PDIA3: variants seen among roughly 807,000 people sequenced by gnomAD.
PDIA3 encodes protein disulfide isomerase family A member 3.
A neutral mutation model predicts 56.9 loss-of-function variants in PDIA3; 16 were observed. That is an observed-to-expected ratio of 0.28 (90% CI 0.19 to 0.43). The LOEUF (loss-of-function observed/expected upper bound fraction) is 0.43, where lower values mean the gene tolerates loss of function less well. PDIA3 is among the 20% of genes least tolerant of loss of function. The pLI, the probability that PDIA3 is intolerant of heterozygous loss-of-function variation, is 1.00. For synonymous variants in PDIA3, 192 were observed against 216.5 expected, an observed-to-expected ratio of 0.89 and a Z score of 0.99; for missense variants, 485 against 621.3, an observed-to-expected ratio of 0.78 and a Z score of 2.33.
intron 1 of PDIA3, among the ~76,000 whole-genome samples, chr15:43,747,924 T>C (rs1442286748): frequency 6.6e-6 from 1 of 152,162 alleles, no homozygotes; most frequent in Non-Finnish European, 1.5e-5. Flanking sequence ...TCCAGGGCAT[T>C]TCTGGGGCTA....
chr15:43,766,606 C>A, intron 7 of PDIA3, 122 bp from the exon 8 acceptor site: 1 of 750,578 alleles, frequency 1.3e-6, no homozygotes, highest in African/African-American at 1.8e-5. Flanking sequence ...ACTGTTCAGA[C>A]TGATTCCAGA....
chr15:43,753,055 A>G (rs1243412092), intron 1 of PDIA3: 3 of 347,848 alleles, frequency 8.6e-6, no homozygotes, highest in East Asian at 7.4e-5. Context: ...TTGAGACATT[A>G]CAGGGTTTCA....
At position 43,767,029 on chromosome 15, in the gene PDIA3, A is replaced by G. The variant is rs888304983; in HGVS notation, c.1028+119A>G. The G allele has an allele frequency of 4.4e-6, 4 of 902,446 alleles. No homozygotes were observed. In the African/African-American group the frequency reaches 6.7e-5, roughly 15 times the overall value. The allele number at this position is 902,446 out of a possible 1,614,324, so 55.9% of individuals were successfully genotyped here. Reference sequence around the variant, plus strand: ...AAGATAGGTCTTTTAATCAAGACCTATGACTGTCATTTTTCTCAATTTAAA... The same window carrying G: ...AAGATAGGTCTTTTAATCAAGACCTGTGACTGTCATTTTTCTCAATTTAAA... On this transcript the variant is annotated intron_variant, in intron 8 of 12. Transcript: ENST00000300289.
In PDIA3 at chr15:43,766,791, C is replaced by T; in HGVS notation, c.909C>T (p.Ser303=). The change falls in exon 8 of 13, where the codon AGC becomes AGT. Residue 303 remains serine (S), a synonymous_variant. Coordinates refer to ENST00000300289, the MANE Select transcript of PDIA3 (RefSeq NM_005313.5). ...AGHKLNFAVA[S]RKTFSHELSD... ...ACAAACTCAACTTTGCTGTAGCTAGCCGCAAAACCTTTAGCCATGAACTTT... is the reference window on the plus strand; with the variant it reads ...ACAAACTCAACTTTGCTGTAGCTAGTCGCAAAACCTTTAGCCATGAACTTT... 1 of 1,613,312 alleles carries T rather than the reference C, an allele frequency of 6.2e-7. No individual in the cohort carries two copies. The highest frequency in any genetic ancestry group is 1.1e-5 in the South Asian group (1 of 91,062).
intron 3 of PDIA3, among the ~76,000 whole-genome samples, chr15:43,757,431 G>T (rs906206925): frequency 2.6e-5 from 4 of 151,762 alleles, no homozygotes; most frequent in Non-Finnish European, 5.9e-5. Context: ...GGTGGCGGGC[G>T]CCTGTAGTCC....
chr15:43,769,991 G>A (rs924264173), intron 10 of PDIA3, among the ~76,000 whole-genome samples: 2 of 152,160 alleles, frequency 1.3e-5, no homozygotes, highest in Non-Finnish European at 2.9e-5. Context: ...AGGTAAATTT[G>A]AAGGTGGCAA....
In PDIA3 at chr15:43,746,474, C is replaced by T. The variant is rs973652242; in HGVS notation, c.-66C>T. 7 of 1,384,350 alleles carry T rather than the reference C, an allele frequency of 5.1e-6. No individual in the cohort carries two copies. The highest frequency in any genetic ancestry group is 6.7e-6 in the Non-Finnish European group (7 of 1,051,746). The allele number at this position is 1,384,350 out of a possible 1,614,324, so 85.8% of individuals were successfully genotyped here. On this transcript the variant is annotated 5_prime_UTR_variant, in exon 1 of 13. Coordinates refer to ENST00000300289, the MANE Select transcript of PDIA3 (RefSeq NM_005313.5). ...CGCAAGCAGCGGGTTAGTGGTCGCG[C>T]GCCCGACCTCCGCAGTCCCAGCCGA...
Position 43,761,504 on chromosome 15 carries a change from A to T in PDIA3, c.445A>T (p.Ile149Phe). 6.3e-7 allele frequency: 1 copy of T among 1,579,884 alleles called. No homozygotes were observed. The highest frequency in any genetic ancestry group is 8.7e-7 in the Non-Finnish European group (1 of 1,151,192). The change falls in exon 4 of 13, where the codon ATT becomes TTT. Residue 149 changes from isoleucine (I) to phenylalanine (F), a missense_variant. Transcript: ENST00000300289. The stretch of plus-strand genomic sequence containing the variant: ...GACTGAGGAAGAATTTAAGAAATTC[A>T]TTAGTGATAAAGATGCCTCTATAGT... ...LRTEEEFKKF[I>F]SDKDASIVGF...
At chr15:43,770,428 G>C (rs999676180) in intron 11 of PDIA3, 95 bp from the exon 12 acceptor site, 1 of 1,359,264 alleles carries the variant, frequency 7.4e-7, no homozygotes, top group Non-Finnish European at 1.1e-6. Flanking sequence ...TTCATATTCA[G>C]TTGAAGGCAG....
At position 43,746,441 on chromosome 15, in the gene PDIA3, C is replaced by G; in HGVS notation, c.-99C>G. On this transcript the variant is annotated 5_prime_UTR_variant, in exon 1 of 13. Coordinates refer to ENST00000300289, the MANE Select transcript of PDIA3 (RefSeq NM_005313.5). The stretch of plus-strand genomic sequence containing the variant: ...CGGCTGCAGGTCCGCCTGGGCCAGA[C>G]GCGCGAGCGCAAGCAGCGGGTTAGT... The G allele has an allele frequency of 2.4e-6, 3 of 1,232,576 alleles. No individual in the cohort carries two copies. The highest frequency in any genetic ancestry group is 2.1e-6 in the Non-Finnish European group (2 of 932,070). The allele number at this position is 1,232,576 out of a possible 1,614,324, so 76.4% of individuals were successfully genotyped here.
At chr15:43,769,315 T>C (rs1489097571) in intron 9 of PDIA3, among the ~76,000 whole-genome samples, 1 of 152,154 alleles carries the variant, frequency 6.6e-6, no homozygotes, top group African/African-American at 2.4e-5. Context: ...CTGAACATAG[T>C]TTGACAGGTG....
chr15:43,759,683 C>G (rs2086802032), intron 3 of PDIA3, among the ~76,000 whole-genome samples: 1 of 152,158 alleles, frequency 6.6e-6, no homozygotes, highest in Admixed American at 6.5e-5. Flanking sequence ...GTATATGCAT[C>G]CAGTGGAAGA....
intron 1 of PDIA3, chr15:43,751,531 A>C: frequency 8.6e-7 from 1 of 1,158,406 alleles, no homozygotes; most frequent in Non-Finnish European, 1.2e-6. Flanking sequence ...GTAGTGGTTA[A>C]TCTTGAAGGA....
At chr15:43,747,126 G>A (rs1216377812) in intron 1 of PDIA3, 1 of 169,846 alleles carries the variant, frequency 5.9e-6, no homozygotes, top group African/African-American at 2.4e-5. Context: ...TGGATCCCTA[G>A]GGTATTTCCT....
At chr15:43,767,694 C>G (rs963754452) in intron 8 of PDIA3, among the ~76,000 whole-genome samples, 1 of 149,198 alleles carries the variant, frequency 6.7e-6, no homozygotes, top group Non-Finnish European at 1.5e-5. Flanking sequence ...CACTTGAACC[C>G]GGGAGGAAGA....
intron 8 of PDIA3, among the ~76,000 whole-genome samples, chr15:43,767,968 A>G (rs2141656779): frequency 6.6e-6 from 1 of 152,108 alleles, no homozygotes; most frequent in East Asian, 1.9e-4. Context: ...TAAAAATCTA[A>G]AAAAAGATTG....
chr15:43,769,396 GT>G, intron 9 of PDIA3, 121 bp from the exon 10 acceptor site: 2 of 874,934 alleles, frequency 2.3e-6, no homozygotes, highest in Non-Finnish European at 3.5e-6. Flanking sequence ...TGTGATTTGG[GT>G]TTCCATGACT....
intron 3 of PDIA3, among the ~76,000 whole-genome samples, chr15:43,757,310 G>A (rs1410141861): frequency 6.6e-6 from 1 of 152,182 alleles, no homozygotes; most frequent in African/African-American, 2.4e-5. Flanking sequence ...TGTAATCCCA[G>A]CACTTTGGGA....
Position 43,771,111 on chromosome 15 carries a change from C to G in PDIA3, c.1411C>G (p.Arg471Gly). 6.2e-7 allele frequency: 1 copy of G among 1,609,110 alleles called. No individual in the cohort carries two copies. The highest frequency in any genetic ancestry group is 8.5e-7 in the Non-Finnish European group (1 of 1,176,206). The stretch of plus-strand genomic sequence containing the variant: ...CTGATCTTTCTGTTTTCAGGGTGGC[C>G]GTGAATTAAGTGATTTTATTAGCTA... The part of the protein sequence containing the change: ...KLNPKKYEGG[R>G]ELSDFISYLQ... Residue 471 changes from arginine to glycine, a missense_variant, in exon 13 of 13, where the codon CGT (arginine) becomes GGT (glycine). Physicochemically the swap from Arg to Gly is moderately radical, Grantham distance 125 (BLOSUM62 -2). Coordinates refer to ENST00000300289, the MANE Select transcript of PDIA3 (RefSeq NM_005313.5).
Sources: gnomAD v4.1 joint callset for allele counts (sites outside exome capture counted in the v4.1 genomes callset) on GRCh38, gnomAD v4.1.1 for gene constraint, MANE v1.5 for transcripts, NCBI Gene and HGNC (gene_info 2026-07-23, HGNC 2026-07-21) for gene names.